The following PACRG variants were observed in gnomAD, a reference collection of about 807,000 sequenced individuals.
The protein encoded by PACRG is parkin coregulated gene protein.
A neutral mutation model predicts 29.7 loss-of-function variants in PACRG; 29 were observed. The ratio of observed to expected loss-of-function variants is 0.98; its 90% CI spans 0.73 to 1.33. PACRG has a LOEUF of 1.33. PACRG is among the 40% of genes most tolerant of loss of function. PACRG has a pLI of 0.00. For missense variants in PACRG, 279 were observed against 316.2 expected (o/e 0.88, Z 0.89); for synonymous variants, 116 against 118.7 (o/e 0.98, Z 0.15).
At chr6:163,158,427 C>G (rs1778407994) in intron 4 of PACRG, among the ~76,000 whole-genome samples, 1 of 152,144 alleles carries the variant, frequency 6.6e-6, no homozygotes, top group Non-Finnish European at 1.5e-5. Context: ...GCTGTTTGAG[C>G]TGATGAACCC....
chr6:163,201,518 C>T (rs1477006001), intron 4 of PACRG, among the ~76,000 whole-genome samples: 2 of 152,198 alleles, frequency 1.3e-5, no homozygotes, highest in Non-Finnish European at 2.9e-5. Flanking sequence ...CACCTTTGGG[C>T]ATGAGGTGGG....
In PACRG at chr6:163,029,681, T is replaced by C. The variant is rs530474895; in HGVS notation, c.292-32469T>C. 7.2e-5 allele frequency among the ~76,000 whole-genome samples: 11 copies of C among 152,292 alleles called. No individual in the cohort carries two copies. In the South Asian group the frequency reaches 2.3e-3, roughly 32 times the overall value. On this transcript the variant is annotated intron_variant, in intron 2 of 4. Coordinates refer to ENST00000366888, the MANE Select transcript of PACRG (RefSeq NM_001080379.2). ...TTTTTTGCTTCTGGATGTTGTCATG[T>C]CTAGCTGTGATTCCTGGAGCCCCTG...
At chr6:162,941,348 G>A (rs530212384) in intron 2 of PACRG, among the ~76,000 whole-genome samples, 8 of 152,240 alleles carry the variant, frequency 5.3e-5, no homozygotes, top group Non-Finnish European at 7.4e-5. Context: ...AGCACATGAC[G>A]TTCCCTTCCA....
At chr6:162,772,642 G>C (rs1029245209) in intron 1 of PACRG, among the ~76,000 whole-genome samples, 2 of 152,166 alleles carry the variant, frequency 1.3e-5, no homozygotes, top group East Asian at 1.9e-4. Context: ...AGAGACCATG[G>C]AGGCATTTGA....
chr6:162,867,377 A>C (rs1391384805), intron 2 of PACRG, among the ~76,000 whole-genome samples: 2 of 151,938 alleles, frequency 1.3e-5, no homozygotes, highest in Non-Finnish European at 2.9e-5. Context: ...TTCTCCCTCC[A>C]CATCTCTGGT....
chr6:163,036,479 G>A (rs922802848), intron 2 of PACRG, among the ~76,000 whole-genome samples: 1 of 152,172 alleles, frequency 6.6e-6, no homozygotes, highest in African/African-American at 2.4e-5. Context: ...GAAAGTGCAG[G>A]AGCCTAAATG....
chr6:163,098,907 T>C (rs1193412972), intron 4 of PACRG, among the ~76,000 whole-genome samples: 1 of 152,018 alleles, frequency 6.6e-6, no homozygotes, highest in Non-Finnish European at 1.5e-5. Context: ...CTGGTGGGAG[T>C]GTAGCAGTGA....
chr6:163,160,315 C>T (rs1249487526), intron 4 of PACRG, among the ~76,000 whole-genome samples: 3 of 152,150 alleles, frequency 2.0e-5, no homozygotes, highest in Non-Finnish European at 4.4e-5. Context: ...AAGCTGTCAC[C>T]AAAGACTCAA....
chr6:162,773,348 T>C (rs1024871759), intron 1 of PACRG, among the ~76,000 whole-genome samples: 4 of 152,136 alleles, frequency 2.6e-5, no homozygotes, highest in Non-Finnish European at 5.9e-5. Context: ...CTTTTCAAAA[T>C]GCACAAACTG....
chr6:162,815,834 GT>G (rs1404568581), intron 2 of PACRG, among the ~76,000 whole-genome samples: 9 of 152,166 alleles, frequency 5.9e-5, no homozygotes, highest in African/African-American at 2.2e-4. Context: ...ATACAATGGA[GT>G]TTCTTCAAAA....
At position 163,139,987 on chromosome 6, in the gene PACRG, G is replaced by T. The variant is rs146907847; in HGVS notation, c.613+50579G>T. 3.9e-5 allele frequency among the ~76,000 whole-genome samples: 6 copies of T among 152,156 alleles called. No individual in the cohort carries two copies. The East Asian group carries it at 1.2e-3, about 29-fold the overall frequency. On this transcript the variant is annotated intron_variant, in intron 4 of 4. Transcript: ENST00000366888. ...TGCCTATCCAAGTACTGTCCCTTCT[G>T]CCAGGACGAGCCCCATTCTCATCCT...
At chr6:162,765,495 C>G (rs914671181) in intron 1 of PACRG, among the ~76,000 whole-genome samples, 2 of 152,074 alleles carry the variant, frequency 1.3e-5, no homozygotes, top group African/African-American at 2.4e-5. Context: ...TCCACTTGAC[C>G]GGTGACCTGT....
chr6:163,108,064 C>G lies in PACRG; in HGVS notation c.613+18656C>G, dbSNP rs1232115984. On this transcript the variant is annotated intron_variant, in intron 4 of 4. Transcript: ENST00000366888. ...GGAGGTGGTTTGAGGCTGAAGCCGT[C>G]TGATGTGGTTTGGCTTTGTGTCCCT... Among the ~76,000 whole-genome samples the G allele has an allele frequency of 8.5e-5, 13 of 152,340 alleles. No individual in the cohort carries two copies. The South Asian group carries it at 2.7e-3, about 32-fold the overall frequency.
intron 4 of PACRG, among the ~76,000 whole-genome samples, chr6:163,299,667 T>C (rs1784912809): frequency 6.6e-6 from 1 of 152,086 alleles, no homozygotes; most frequent in Non-Finnish European, 1.5e-5. Flanking sequence ...GATCCTGAGG[T>C]CAGGAGTTCG....
At chr6:163,247,075 G>T (rs1188943805) in intron 4 of PACRG, among the ~76,000 whole-genome samples, 1 of 152,222 alleles carries the variant, frequency 6.6e-6, no homozygotes, top group Non-Finnish European at 1.5e-5. Context: ...GGATCATTAA[G>T]GGGCTGAGTT....
intron 2 of PACRG, among the ~76,000 whole-genome samples, chr6:162,987,645 GC>G (rs1252324967): frequency 2.0e-5 from 3 of 152,118 alleles, no homozygotes; most frequent in African/African-American, 7.2e-5. Context: ...CCTCAGCCAG[GC>G]GGAACTATGA....
At chr6:162,983,004 A>G (rs1436436031) in intron 2 of PACRG, among the ~76,000 whole-genome samples, 3 of 151,864 alleles carry the variant, frequency 2.0e-5, no homozygotes, top group East Asian at 1.9e-4. Flanking sequence ...GTGTATATAT[A>G]TTTTGGATTG....
chr6:162,757,089 T>C (rs958353924), intron 1 of PACRG, among the ~76,000 whole-genome samples: 1 of 152,290 alleles, frequency 6.6e-6, no homozygotes, highest in East Asian at 1.9e-4. Context: ...TTATTATAAA[T>C]ATCAAAATTT....
At chr6:163,002,313 G>C (rs1007995033) in intron 2 of PACRG, among the ~76,000 whole-genome samples, 1 of 152,150 alleles carries the variant, frequency 6.6e-6, no homozygotes, top group African/African-American at 2.4e-5. Context: ...GCTAGATAAG[G>C]TTTCTCGTAG....
Sources: allele counts gnomAD v4.1 joint callset (sites outside exome capture counted in the v4.1 genomes callset), GRCh38; gene constraint gnomAD v4.1.1; transcripts MANE v1.5; gene names NCBI Gene and HGNC (gene_info 2026-07-23, HGNC 2026-07-21).